The following LRP2 variants were observed in gnomAD, a reference collection of about 807,000 sequenced individuals.
LRP2 encodes the protein LDL receptor related protein 2.
Under a neutral mutation model 531.0 loss-of-function variants are expected in LRP2, and 172 were observed. The observed-to-expected ratio is 0.32, with a 90% CI of 0.29 to 0.37. The LOEUF (loss-of-function observed/expected upper bound fraction) is 0.37. Among genes scored for constraint, LRP2 ranks in the 10% least tolerant of loss-of-function variants. The pLI, the probability that LRP2 is intolerant of heterozygous loss-of-function variation, is 1.00. For synonymous variants in LRP2, 1,992 were observed against 2,027.6 expected, an observed-to-expected ratio of 0.98 and a Z score of 0.47; for missense variants, 5,167 against 5,868.3, an observed-to-expected ratio of 0.88 and a Z score of 3.90.
rs545355984 is a variant in LRP2 at position 169,304,044 on chromosome 2, G to T, written c.427+3237C>A. ...TATCCTGCCAGGTTTTTGCCAGAAGGTTCATTGGCAAAGTTGTGAGCCGGT... is the reference window on the plus strand; with the variant it reads ...TATCCTGCCAGGTTTTTGCCAGAAGTTTCATTGGCAAAGTTGTGAGCCGGT... On this transcript the variant is annotated intron_variant, in intron 4 of 78. Transcript: ENST00000649046. Among the ~76,000 whole-genome samples the T allele has an allele frequency of 3.9e-5, 6 of 152,284 alleles. 1 individual carries two copies. The South Asian group carries it at 6.2e-4, about 16-fold the overall frequency.
At chr2:169,219,304 A>G (rs1688905436) in intron 34 of LRP2, among the ~76,000 whole-genome samples, 1 of 152,184 alleles carries the variant, frequency 6.6e-6, no homozygotes, top group Non-Finnish European at 1.5e-5. Flanking sequence ...ACTTTCAAAC[A>G]TTAAGCCAAA....
chr2:169,207,977 C>T (rs1489552806), intron 38 of LRP2, among the ~76,000 whole-genome samples: 3 of 152,192 alleles, frequency 2.0e-5, no homozygotes, highest in Non-Finnish European at 4.4e-5. Context: ...TTCAAACCAC[C>T]TCTAGAGAAA....
chr2:169,203,141 A>G (rs928428158), intron 42 of LRP2, among the ~76,000 whole-genome samples, 182 bp from the exon 43 acceptor site: 1 of 152,130 alleles, frequency 6.6e-6, no homozygotes, highest in Non-Finnish European at 1.5e-5. Context: ...AAGAGCAATC[A>G]CCAATTTCTA....
At chr2:169,147,888 A>G (rs1455278484) in intron 68 of LRP2, among the ~76,000 whole-genome samples, 4 of 152,164 alleles carry the variant, frequency 2.6e-5, no homozygotes, top group Non-Finnish European at 4.4e-5. Flanking sequence ...TTTCCAAAGC[A>G]AGAAATACAG....
At position 169,270,992 on chromosome 2, in the gene LRP2, G is replaced by A. The variant is rs748699691; in HGVS notation, c.2232C>T (p.Val744=). 1.5e-5 allele frequency: 25 copies of A among 1,612,998 alleles called. No individual in the cohort carries two copies. Among genetic ancestry groups the A allele is most frequent in the Middle Eastern group, 1.6e-4 (1 of 6,074 alleles). Residue 744 remains valine (V), a synonymous_variant, in exon 16 of 79, where the codon GTC becomes GTT. Transcript: ENST00000649046. Reference sequence around the variant, plus strand: ...TGTCCTGGGCGTCAAAATCAATCCCGACAAAGAAAGAAGGATTCCCCGAAA... The same window carrying A: ...TGTCCTGGGCGTCAAAATCAATCCCAACAAAGAAAGAAGGATTCCCCGAAA... ...VPVSGNPSFF[V]GIDFDAQDST...
At position 169,323,474 on chromosome 2, in the gene LRP2, A is replaced by T. The variant is rs1684958305; in HGVS notation, c.80-2590T>A. ...ATAAACCACTAGTGAAAAGGTCTAG[A>T]TTAGGTCTAATAACAATTGCAGGTG... On this transcript the variant is annotated intron_variant, in intron 1 of 78. Transcript: ENST00000649046. Among the ~76,000 whole-genome samples the T allele has an allele frequency of 2.0e-5, 3 of 152,214 alleles. No homozygotes were observed. The South Asian group carries it at 6.2e-4, about 31-fold the overall frequency.
chr2:169,213,910 G>A lies in LRP2; in HGVS notation c.5827-40C>T, dbSNP rs530370242. On this transcript the variant is annotated intron_variant, in intron 35 of 78. Transcript: ENST00000649046. Reference sequence around the variant, plus strand: ...TTTTCATTAGTTTCATGGATTCATAGTGAAAATTTTGAACATTTAAACACT... The same window carrying A: ...TTTTCATTAGTTTCATGGATTCATAATGAAAATTTTGAACATTTAAACACT... 4 of 1,460,992 alleles carry A rather than the reference G, an allele frequency of 2.7e-6. No homozygotes were observed. In the South Asian group the frequency reaches 3.4e-5, roughly 12 times the overall value. 90.5% of individuals were successfully genotyped at this position (1,460,992 alleles called of 1,614,324 possible). A position where few individuals can be genotyped will look rare whatever the true frequency, so the allele number is the denominator to read the frequency against.
chr2:169,294,044 A>G, intron 6 of LRP2, 104 bp downstream of exon 6: 1 of 809,616 alleles, frequency 1.2e-6, no homozygotes, highest in Non-Finnish European at 2.2e-6. Flanking sequence ...TCTCCTTGAA[A>G]AAAGAGGTAC....
At position 169,129,082 on chromosome 2, in the gene LRP2, C is replaced by T. The variant is rs765761426; in HGVS notation, c.13731G>A (p.Val4577=). The T allele has an allele frequency of 6.2e-7, 1 of 1,604,064 alleles. No individual in the cohort carries two copies. Among genetic ancestry groups the T allele is most frequent in the Non-Finnish European group, 8.5e-7 (1 of 1,170,942 alleles). The change falls in exon 78 of 79, where the codon GTG becomes GTA. Residue 4577 remains valine (V), a splice_region_variant and synonymous_variant. Coordinates refer to ENST00000649046, the MANE Select transcript of LRP2 (RefSeq NM_004525.3). ...TTCGTTTGAAGAGATTCCATTTTGTCACCTAAATGAAAAGGGGAAAACAAA... is the reference window on the plus strand; with the variant it reads ...TTCGTTTGAAGAGATTCCATTTTGTTACCTAAATGAAAAGGGGAAAACAAA... ...PTSPAADGTQ[V]TKWNLFKRKS...
In LRP2 at chr2:169,181,653, G is replaced by T. The variant is rs1265165642; in HGVS notation, c.9999-35C>A. ...CAAACACAAAGGGTCAGTCCCTGAT[G>T]CCAAAAGAAGTCAGTAGCCAAAATA... On this transcript the variant is annotated intron_variant, in intron 51 of 78. Transcript: ENST00000649046. The T allele has an allele frequency of 1.9e-6, 3 of 1,598,936 alleles. No individual in the cohort carries two copies. The Admixed American group carries it at 5.1e-5, about 27-fold the overall frequency.
At position 169,290,905 on chromosome 2, in the gene LRP2, C is replaced by T. The variant is rs369726842; in HGVS notation, c.862G>A (p.Gly288Arg). The change falls in exon 8 of 79, where the codon GGG (glycine) becomes AGG (arginine). Residue 288 changes from glycine (G) to arginine (R), a missense_variant. Physicochemically the swap from Gly to Arg is moderately radical, Grantham distance 125 (BLOSUM62 -2). This residue lies in a region of LRP2 where 2,811 missense variants were observed against 3,058.0 expected (regional missense o/e 0.92). Coordinates refer to ENST00000649046, the MANE Select transcript of LRP2 (RefSeq NM_004525.3). ...TCTCTTCCTGGGCAATCTAAAATCC[C>T]ATCACAAACTTTATAAATGGAGATG... ...RCISIYKVCD[G>R]ILDCPGREDE... 1 of 1,614,016 alleles carries T rather than the reference C, an allele frequency of 6.2e-7. No homozygotes were observed. Among genetic ancestry groups the T allele is most frequent in the Non-Finnish European group, 8.5e-7 (1 of 1,180,028 alleles).
chr2:169,216,108 A>G, intron 35 of LRP2, 145 bp downstream of exon 35: 3 of 826,610 alleles, frequency 3.6e-6, no homozygotes, highest in Non-Finnish European at 6.0e-6. Flanking sequence ...CAAGGGAGAG[A>G]AGTTATTGGG....
chr2:169,187,446 A>C (rs1216045671), intron 49 of LRP2, among the ~76,000 whole-genome samples: 4 of 152,232 alleles, frequency 2.6e-5, no homozygotes, highest in African/African-American at 7.2e-5. Context: ...CAAGGATTAA[A>C]CACCACAAAC....
intron 16 of LRP2, among the ~76,000 whole-genome samples, chr2:169,266,389 G>A (rs929272038): frequency 6.6e-6 from 1 of 151,868 alleles, no homozygotes; most frequent in Non-Finnish European, 1.5e-5. Flanking sequence ...AGGGGAGGGT[G>A]GGCAATATGG....
At chr2:169,302,276 G>T (rs1684303965) in intron 4 of LRP2, among the ~76,000 whole-genome samples, 1 of 152,038 alleles carries the variant, frequency 6.6e-6, no homozygotes, top group African/African-American at 2.4e-5. Context: ...TGACTAAATG[G>T]ATTTCAGCAA....
intron 4 of LRP2, among the ~76,000 whole-genome samples, chr2:169,300,513 C>T (rs372749811): frequency 2.6e-5 from 4 of 151,758 alleles, no homozygotes; most frequent in Admixed American, 6.6e-5. Context: ...CGAGGGTAAA[C>T]GGAAACAGCC....
chr2:169,149,964 A>G (rs750069450), intron 68 of LRP2, among the ~76,000 whole-genome samples: 3 of 152,216 alleles, frequency 2.0e-5, no homozygotes, highest in Admixed American at 2.0e-4. Flanking sequence ...CACTGGAAAC[A>G]GTCACATCAT....
intron 30 of LRP2, 147 bp downstream of exon 30, chr2:169,233,264 G>T: frequency 1.2e-6 from 1 of 831,008 alleles, no homozygotes; most frequent in Non-Finnish European, 2.0e-6. Flanking sequence ...GTCAGGACTA[G>T]GGAAAGTATA....
chr2:169,209,744 A>G, intron 37 of LRP2, 103 bp from the exon 38 acceptor site: 1 of 1,078,506 alleles, frequency 9.3e-7, no homozygotes, highest in Admixed American at 1.9e-5. Flanking sequence ...CCCTGCTCTG[A>G]GCATCTCCCC....
Sources: gnomAD v4.1 joint callset for allele counts (sites outside exome capture counted in the v4.1 genomes callset) on GRCh38, gnomAD v4.1.1 for gene constraint, gnomAD v4.1.1 regional missense constraint, MANE v1.5 for transcripts, NCBI Gene and HGNC (gene_info 2026-07-23, HGNC 2026-07-21) for gene names.